INO80C: variants seen among roughly 807,000 people sequenced by gnomAD.
INO80C encodes INO80 complex subunit C, also known as IES6 homolog.
Under a neutral mutation model 17.7 loss-of-function variants are expected in INO80C, and 17 were observed. The ratio of observed to expected loss-of-function variants is 0.96; its 90% CI spans 0.66 to 1.44. The LOEUF (loss-of-function observed/expected upper bound fraction) is 1.44. Among genes scored for constraint, INO80C ranks in the 40% most tolerant of loss-of-function variants. INO80C has a pLI of 0.00. For missense variants in INO80C, 244 were observed against 245.0 expected, an observed-to-expected ratio of 1.00 and a Z score of 0.03; for synonymous variants, 96 against 95.8, an observed-to-expected ratio of 1.00 and a Z score of -0.01.
In INO80C at chr18:35,480,509, T is replaced by C. The variant is rs762394868; in HGVS notation, c.211A>G (p.Thr71Ala). 4 of 1,614,066 alleles carry C rather than the reference T, an allele frequency of 2.5e-6. No homozygotes were observed. The South Asian group carries it at 4.4e-5, about 18-fold the overall frequency. The change falls in exon 2 of 5, where the codon ACA becomes GCA. Residue 71 changes from threonine to alanine, a missense_variant. Thr to Ala is a moderately conservative substitution (Grantham distance 58). Transcript: ENST00000334598. ...ENKMVPSEFS[T>A]GPVEKAAKPL... ...TTGGCAGCTTTTTCCACAGGTCCTGTGCTAAACTCAGAGGGCACCATTTTA... is the reference window on the plus strand; with the variant it reads ...TTGGCAGCTTTTTCCACAGGTCCTGCGCTAAACTCAGAGGGCACCATTTTA...
At chr18:35,475,752 T>C (rs1458238735) in intron 4 of INO80C, among the ~76,000 whole-genome samples, 1 of 152,016 alleles carries the variant, frequency 6.6e-6, no homozygotes, top group Non-Finnish European at 1.5e-5. Flanking sequence ...GCAAATCTAC[T>C]TTATAAGAAA....
intron 4 of INO80C, among the ~76,000 whole-genome samples, chr18:35,472,651 T>A (rs73414869): frequency 6.6e-6 from 1 of 152,092 alleles, no homozygotes; most frequent in African/African-American, 2.4e-5. Flanking sequence ...TTCTTTTTTT[T>A]AATCTCAACA....
chr18:35,473,057 C>G (rs2045689262), intron 4 of INO80C, among the ~76,000 whole-genome samples: 1 of 152,196 alleles, frequency 6.6e-6, no homozygotes, highest in Non-Finnish European at 1.5e-5. Context: ...TCTCCCTCCT[C>G]CTAATGTGTG....
rs2045628537 is a variant in INO80C, at chr18:35,468,450, A to G, written c.*161T>C. On this transcript the variant is annotated 3_prime_UTR_variant, in exon 5 of 5. Coordinates refer to ENST00000334598, the MANE Select transcript of INO80C (RefSeq NM_194281.4). ...ACACTTGGAGGGAAAACACACACTA[A>G]AAAAAAAAAAAACCCTTAAATTAAA... 6 of 313,948 alleles carry G rather than the reference A, an allele frequency of 1.9e-5. No homozygotes were observed. In the South Asian group the frequency reaches 4.3e-4, roughly 22 times the overall value. 19.4% of individuals were successfully genotyped at this position (313,948 alleles called of 1,614,324 possible).
intron 4 of INO80C, among the ~76,000 whole-genome samples, chr18:35,472,172 C>T (rs561682450): frequency 3.0e-4 from 45 of 152,310 alleles, no homozygotes; most frequent in African/African-American, 9.4e-4. Flanking sequence ...CTTAAGGAAT[C>T]GCCACACTGT....
At chr18:35,476,491 T>C (rs1418327299) in intron 4 of INO80C, among the ~76,000 whole-genome samples, 1 of 152,216 alleles carries the variant, frequency 6.6e-6, no homozygotes, top group Non-Finnish European at 1.5e-5. Context: ...TTCTATACTA[T>C]TGTCTCCGTT....
At chr18:35,480,322 T>C (rs73414875) in intron 2 of INO80C, 131 bp downstream of exon 2, 163,038 of 680,916 alleles carry the variant, frequency 0.24, 22,111 homozygotes, top group Admixed American at 0.35. Flanking sequence ...ATCTTGCCCA[T>C]AGGGGAGAAG....
intron 1 of INO80C, among the ~76,000 whole-genome samples, chr18:35,483,142 T>C (rs1012542172): frequency 2.0e-5 from 3 of 152,252 alleles, no homozygotes; most frequent in African/African-American, 7.2e-5. Flanking sequence ...GATTCGTCCA[T>C]GTCAGTTTTA....
intron 2 of INO80C, 37 bp from the exon 3 acceptor site, chr18:35,479,448 C>T (rs749961376): frequency 1.6e-6 from 2 of 1,275,036 alleles, no homozygotes; most frequent in Non-Finnish European, 2.3e-6. Context: ...AAACAAAAAC[C>T]AATGGAGACT....
chr18:35,497,944 G>T lies in INO80C; in HGVS notation c.-70C>A. The T allele has an allele frequency of 7.0e-7, 1 of 1,432,250 alleles. No individual in the cohort carries two copies. 88.7% of individuals were successfully genotyped at this position (1,432,250 alleles called of 1,614,324 possible). A position where few individuals can be genotyped will look rare whatever the true frequency, so the allele number is the denominator to read the frequency against. Reference sequence around the variant, plus strand: ...CGGGCCTTGGAACTTCCTTTCCGCTGTTACTTCCGTCTTGATGCTTGAAAA... The same window carrying T: ...CGGGCCTTGGAACTTCCTTTCCGCTTTTACTTCCGTCTTGATGCTTGAAAA... On this transcript the variant is annotated 5_prime_UTR_variant, in exon 1 of 5. Transcript: ENST00000334598.
intron 1 of INO80C, among the ~76,000 whole-genome samples, chr18:35,494,731 T>G (rs1395486068): frequency 6.6e-6 from 1 of 152,154 alleles, no homozygotes; most frequent in African/African-American, 2.4e-5. Flanking sequence ...GAGCAGAGAG[T>G]CAACCCAGTT....
intron 1 of INO80C, among the ~76,000 whole-genome samples, chr18:35,482,531 C>T (rs2045823111): frequency 6.6e-6 from 1 of 152,176 alleles, no homozygotes; most frequent in Non-Finnish European, 1.5e-5. Flanking sequence ...TCCACCTGAG[C>T]CGGGGTTCCA....
intron 1 of INO80C, among the ~76,000 whole-genome samples, chr18:35,493,605 A>C (rs983506828): frequency 1.3e-5 from 2 of 152,224 alleles, no homozygotes; most frequent in African/African-American, 4.8e-5. Flanking sequence ...CTTTTAGCTG[A>C]AAAATATTCC....
chr18:35,496,530 A>C (rs1264763003), intron 1 of INO80C, among the ~76,000 whole-genome samples: 1 of 152,166 alleles, frequency 6.6e-6, no homozygotes, highest in African/African-American at 2.4e-5. Context: ...GGTGTATACA[A>C]ATGTAAAAGG....
intron 1 of INO80C, among the ~76,000 whole-genome samples, chr18:35,491,221 A>T (rs186799184): frequency 6.6e-6 from 1 of 152,358 alleles, no homozygotes; most frequent in Admixed American, 6.5e-5. Context: ...GAAAAATGCC[A>T]GACAGGGGCC....
In INO80C at chr18:35,497,907, T is replaced by C. The variant is rs771822761; in HGVS notation, c.-33A>G. The C allele has an allele frequency of 2.0e-6, 3 of 1,486,658 alleles. No homozygotes were observed. The Admixed American group carries it at 7.2e-5, about 36-fold the overall frequency. 92.1% of individuals were successfully genotyped at this position (1,486,658 alleles called of 1,614,324 possible). On this transcript the variant is annotated 5_prime_UTR_variant, in exon 1 of 5. Transcript: ENST00000334598. ...CGAGTCTTCCCCTGGTCCCCCCACC[T>C]TTTTCCCAGCGCGGGCCTTGGAACT...
rs1441753346 is a variant in INO80C at position 35,468,607 on chromosome 18, G to A, written c.*4C>T. ...GCTTTCCACTTCATCTCCCTTTCTG[G>A]GGCTCAGGGAACGATGCTCGTGGCC... On this transcript the variant is annotated 3_prime_UTR_variant, in exon 5 of 5. Transcript: ENST00000334598. 3 of 1,613,906 alleles carry A rather than the reference G, an allele frequency of 1.9e-6. No homozygotes were observed. Among genetic ancestry groups the A allele is most frequent in the Non-Finnish European group, 2.5e-6 (3 of 1,180,000 alleles).
chr18:35,489,835 CCT>C (rs957820031), intron 1 of INO80C, among the ~76,000 whole-genome samples: 1 of 152,118 alleles, frequency 6.6e-6, no homozygotes, highest in Non-Finnish European at 1.5e-5. Context: ...CTCTCCAGGG[CCT>C]CTGCATGTGG....
chr18:35,483,874 T>A (rs1365227596), intron 1 of INO80C, among the ~76,000 whole-genome samples: 2 of 152,336 alleles, frequency 1.3e-5, no homozygotes, highest in East Asian at 3.9e-4. Flanking sequence ...TGAGTATAGC[T>A]TTTTGTAGAG....
Sources: gnomAD v4.1 joint callset for allele counts (sites outside exome capture counted in the v4.1 genomes callset) on GRCh38, gnomAD v4.1.1 for gene constraint, MANE v1.5 for transcripts, NCBI Gene and HGNC (gene_info 2026-07-23, HGNC 2026-07-21) for gene names.